COL4A1: variants seen among roughly 807,000 people sequenced by gnomAD.
The protein encoded by COL4A1 is collagen type IV alpha 1 chain, also known as collagen alpha-1(IV) chain.
In COL4A1, 40 loss-of-function variants were observed where a neutral mutation model predicts 216.6. That is an observed-to-expected ratio of 0.18 (90% CI 0.14 to 0.24). The LOEUF (loss-of-function observed/expected upper bound fraction) is 0.24. Ranked by LOEUF, COL4A1 falls within the 10% of genes least tolerant of loss-of-function variation. The pLI, the probability that COL4A1 is intolerant of heterozygous loss-of-function variation, is 1.00. For missense variants in COL4A1, 1,628 were observed against 2,196.8 expected (o/e 0.74, Z 5.18); for synonymous variants, 839 against 810.7 (o/e 1.03, Z -0.59).
intron 2 of COL4A1, among the ~76,000 whole-genome samples, chr13:110,224,130 A>AGTCT (rs1880630071): frequency 6.6e-6 from 1 of 152,180 alleles, no homozygotes; most frequent in Non-Finnish European, 1.5e-5. Flanking sequence ...AGGTGCTGAG[A>AGTCT]GTCTGCACAT....
intron 16 of COL4A1, 23 bp downstream of exon 16, chr13:110,205,471 A>G: frequency 6.2e-7 from 1 of 1,614,164 alleles, no homozygotes; most frequent in South Asian, 1.1e-5. Context: ...GCCTGCTTGT[A>G]AAAACCACAG....
intron 49 of COL4A1, among the ~76,000 whole-genome samples, chr13:110,159,583 C>T (rs1876972470): frequency 1.3e-5 from 2 of 152,194 alleles, no homozygotes; most frequent in South Asian, 4.1e-4. Flanking sequence ...CACATGATCC[C>T]ACAATTCTAC....
At chr13:110,259,860 G>A (rs1374231530) in intron 1 of COL4A1, among the ~76,000 whole-genome samples, 1 of 151,596 alleles carries the variant, frequency 6.6e-6, no homozygotes, top group East Asian at 1.9e-4. Flanking sequence ...ATCTGTAGGT[G>A]GACTAGTCGG....
intron 1 of COL4A1, among the ~76,000 whole-genome samples, chr13:110,285,007 G>A (rs1176657512): frequency 6.6e-6 from 1 of 152,220 alleles, no homozygotes; most frequent in Non-Finnish European, 1.5e-5. Flanking sequence ...GGCCCTTTCT[G>A]TAGCGAGGCA....
chr13:110,155,531 T>A (rs1446050367), intron 49 of COL4A1, 134 bp from the exon 50 acceptor site: 1 of 719,180 alleles, frequency 1.4e-6, no homozygotes, highest in Admixed American at 2.0e-5. Flanking sequence ...GTAGAAAACA[T>A]TGTGCCCATT....
intron 17 of COL4A1, 90 bp from the exon 18 acceptor site, chr13:110,203,697 G>C: frequency 1.5e-6 from 2 of 1,351,096 alleles, no homozygotes; most frequent in Non-Finnish European, 2.1e-6. Flanking sequence ...TGGTAAAATA[G>C]AGTGTGCCTA....
At chr13:110,186,660 C>T (rs1878420335) in intron 25 of COL4A1, 107 bp from the exon 26 acceptor site, 1 of 1,385,046 alleles carries the variant, frequency 7.2e-7, no homozygotes, top group Non-Finnish European at 9.9e-7. Flanking sequence ...AGTTAACTGG[C>T]TCACACTATT....
chr13:110,186,745 T>C (rs2139173585), intron 25 of COL4A1, among the ~76,000 whole-genome samples, 192 bp from the exon 26 acceptor site: 1 of 152,334 alleles, frequency 6.6e-6, no homozygotes, highest in East Asian at 1.9e-4. Flanking sequence ...CTCCCTAAGC[T>C]GAGCATTCTT....
Position 110,150,505 on chromosome 13 carries a change from C to T in COL4A1, c.4929-61G>A, listed in dbSNP as rs369454272. 40 of 1,511,576 alleles carry T rather than the reference C, an allele frequency of 2.6e-5. No homozygotes were observed. In the African/African-American group the frequency reaches 5.5e-4, roughly 21 times the overall value. The allele number at this position is 1,511,576 out of a possible 1,614,324, so 93.6% of individuals were successfully genotyped here. On this transcript the variant is annotated intron_variant, in intron 51 of 51. Coordinates refer to ENST00000375820, the MANE Select transcript of COL4A1 (RefSeq NM_001845.6). ...ATCTCACAGCACGTCAGAAACATGG[C>T]ACTCCTGCCCTGCTCGGAAATCTCT...
At position 110,164,861 on chromosome 13, in the gene COL4A1, C is replaced by T. The variant is rs2139149159; in HGVS notation, c.4150+1G>A. On this transcript the variant is annotated splice_donor_variant, in intron 46 of 51. Coordinates refer to ENST00000375820, the MANE Select transcript of COL4A1 (RefSeq NM_001845.6). LOFTEE classifies it high-confidence loss of function. Reference sequence around the variant, plus strand: ...GCCCTGCACAGGCCAAGCCTTCTCACCTTGCTGGCCTTTCGGGCCTGGCAG... The same window carrying T: ...GCCCTGCACAGGCCAAGCCTTCTCATCTTGCTGGCCTTTCGGGCCTGGCAG... 6.2e-7 allele frequency: 1 copy of T among 1,612,696 alleles called. No individual in the cohort carries two copies. Among genetic ancestry groups the T allele is most frequent in the Non-Finnish European group, 8.5e-7 (1 of 1,179,446 alleles).
At chr13:110,232,236 G>T (rs879697765) in intron 2 of COL4A1, among the ~76,000 whole-genome samples, 9 of 152,202 alleles carry the variant, frequency 5.9e-5, no homozygotes, top group Admixed American at 5.9e-4. Context: ...ATTTGCCAAA[G>T]GAAGAAAAAT....
intron 1 of COL4A1, among the ~76,000 whole-genome samples, chr13:110,248,377 GGCCCCT>G (rs1881928108): frequency 9.1e-3 from 1 of 110 alleles, no homozygotes; most frequent in Non-Finnish European, 0.025. Context: ...GCTGGGCCCT[GGCCCCT>G]GGCCCCGGCT....
At chr13:110,208,073 T>C (rs1879600248) in intron 12 of COL4A1, among the ~76,000 whole-genome samples, 1 of 152,236 alleles carries the variant, frequency 6.6e-6, no homozygotes, top group African/African-American at 2.4e-5. Flanking sequence ...GCGCTCTGGT[T>C]GTAATTGCCT....
intron 1 of COL4A1, among the ~76,000 whole-genome samples, chr13:110,257,408 C>T (rs915602575): frequency 3.3e-5 from 5 of 152,154 alleles, no homozygotes; most frequent in Non-Finnish European, 7.3e-5. Flanking sequence ...TGGAAGATAA[C>T]GGCTGGTAAA....
intron 1 of COL4A1, among the ~76,000 whole-genome samples, chr13:110,250,221 C>CA (rs1351228432): frequency 6.8e-6 from 1 of 147,116 alleles, no homozygotes; most frequent in Non-Finnish European, 1.5e-5. Flanking sequence ...AAAAAAAGCA[C>CA]AAAAAATGTG....
At chr13:110,230,172 G>T (rs1021102873) in intron 2 of COL4A1, among the ~76,000 whole-genome samples, 34 of 152,172 alleles carry the variant, frequency 2.2e-4, no homozygotes, top group Non-Finnish European at 4.4e-4. Flanking sequence ...GTGTGTGTGT[G>T]AGTGTGTGCC....
rs1879796300 is a variant in COL4A1, at chr13:110,211,576, G to T, written c.468+71C>A. On this transcript the variant is annotated intron_variant, in intron 8 of 51. Coordinates refer to ENST00000375820, the MANE Select transcript of COL4A1 (RefSeq NM_001845.6). This position sits in a 1 kb window ranked among gnomAD's most constrained non-coding sequence, Gnocchi z 4.3. ...AGCCAAAGTGGTTTAAAGAGAATGT[G>T]CTTCTATGGCACTTGTTGTAAACAG... 1 of 1,451,076 alleles carries T rather than the reference G, an allele frequency of 6.9e-7. No individual in the cohort carries two copies. Among genetic ancestry groups the T allele is most frequent in the Non-Finnish European group, 9.5e-7 (1 of 1,051,752 alleles). 89.9% of individuals were successfully genotyped at this position (1,451,076 alleles called of 1,614,324 possible). A position where few individuals can be genotyped will look rare whatever the true frequency, so the allele number is the denominator to read the frequency against.
At chr13:110,229,602 G>A (rs770261022) in intron 2 of COL4A1, among the ~76,000 whole-genome samples, 1 of 152,224 alleles carries the variant, frequency 6.6e-6, no homozygotes, top group Non-Finnish European at 1.5e-5. Context: ...TGGCATGGAG[G>A]TGGGGCCTTG....
intron 1 of COL4A1, among the ~76,000 whole-genome samples, chr13:110,274,038 T>C (rs1173711447): frequency 6.6e-6 from 1 of 152,222 alleles, no homozygotes; most frequent in Non-Finnish European, 1.5e-5. Flanking sequence ...GCGTTACTAC[T>C]GTATTGTGCA....
Sources: gnomAD v4.1 joint callset for allele counts (sites outside exome capture counted in the v4.1 genomes callset) on GRCh38, gnomAD v4.1.1 for gene constraint, Gnocchi (gnomAD v3.1) non-coding constraint, MANE v1.5 for transcripts, NCBI Gene and HGNC (gene_info 2026-07-23, HGNC 2026-07-21) for gene names.